Variants in TMEM267 observed in about 807,000 individuals in gnomAD.
The protein encoded by TMEM267 is transmembrane protein C5orf28.
Under a neutral mutation model 19.3 loss-of-function variants are expected in TMEM267, and 20 were observed. The ratio of observed to expected loss-of-function variants is 1.04; its 90% CI spans 0.73 to 1.51. The LOEUF is 1.51. Among genes scored for constraint, TMEM267 ranks in the 40% most tolerant of loss-of-function variants. TMEM267 has a pLI of 0.00. For missense variants in TMEM267, 242 were observed against 261.9 expected (o/e 0.92, Z 0.52); for synonymous variants, 88 against 90.3 (o/e 0.97, Z 0.15).
intron 1 of TMEM267, among the ~76,000 whole-genome samples, chr5:43,474,628 G>A (rs1046234768): frequency 7.9e-5 from 12 of 152,146 alleles, no homozygotes; most frequent in African/African-American, 2.9e-4. Context: ...GCGTGGTGGT[G>A]CATGCTTGTA....
chr5:43,482,290 G>A (rs1744833730), intron 1 of TMEM267, among the ~76,000 whole-genome samples: 1 of 151,152 alleles, frequency 6.6e-6, no homozygotes, highest in African/African-American at 2.4e-5. Flanking sequence ...TCCAACTTTT[G>A]GTGCAGATAT....
intron 1 of TMEM267, among the ~76,000 whole-genome samples, chr5:43,477,484 CT>C: frequency 6.6e-6 from 1 of 150,682 alleles, no homozygotes; most frequent in Non-Finnish European, 1.5e-5. Context: ...ATCCCAGCTA[CT>C]TGGGAAGCTG....
At chr5:43,465,427 T>G (rs938561690) in intron 1 of TMEM267, among the ~76,000 whole-genome samples, 3 of 152,144 alleles carry the variant, frequency 2.0e-5, no homozygotes, top group African/African-American at 7.2e-5. Context: ...GATCTAGAAC[T>G]AGAAATACCA....
intron 1 of TMEM267, among the ~76,000 whole-genome samples, chr5:43,466,500 T>A (rs1309573060): frequency 6.6e-6 from 1 of 152,018 alleles, no homozygotes; most frequent in African/African-American, 2.4e-5. Flanking sequence ...TAAGAAAAGC[T>A]AAAGGGAGAA....
At chr5:43,484,343 G>A (rs1327666582), upstream of TMEM267, 2 of 152,234 alleles carry the variant, frequency 1.3e-5, no homozygotes, top group South Asian at 2.1e-4. Context: ...AGCCCTCAGG[G>A]TGGGCAACGG....
At chr5:43,484,368 C>T (rs1744997641), upstream of TMEM267, 1 of 152,274 alleles carries the variant, frequency 6.6e-6, no homozygotes, top group Non-Finnish European at 1.5e-5. Context: ...TTTCACCAGA[C>T]TGAGGGACCG....
chr5:43,465,450 AT>A (rs1743597075), intron 1 of TMEM267, among the ~76,000 whole-genome samples: 1 of 152,250 alleles, frequency 6.6e-6, no homozygotes, highest in South Asian at 2.1e-4. Flanking sequence ...TGACCCAGCC[AT>A]CCCATTACTG....
Position 43,463,060 on chromosome 5 carries a change from A to C in TMEM267, c.-74-9017T>G, listed in dbSNP as rs539733817. On this transcript the variant is annotated intron_variant, in intron 1 of 2. Transcript: ENST00000397080. ...CCGCTAGCAAGACTAATAAAGAAGA[A>C]AAGAGAGAAGAATCAAATAGATGCA... Among the ~76,000 whole-genome samples the C allele has an allele frequency of 8.0e-3, 1,211 of 150,938 alleles. 20 individuals are homozygous for C. Among genetic ancestry groups the C allele is most frequent in the African/African-American group, 0.029 (1,172 of 40,328 alleles).
chr5:43,474,314 G>A (rs1429536803), intron 1 of TMEM267, among the ~76,000 whole-genome samples: 1 of 152,174 alleles, frequency 6.6e-6, no homozygotes, highest in East Asian at 1.9e-4. Context: ...TCATCAGAGC[G>A]AACAGGCCAC....
At chr5:43,477,509 G>A (rs1056867118) in intron 1 of TMEM267, among the ~76,000 whole-genome samples, 3 of 150,072 alleles carry the variant, frequency 2.0e-5, no homozygotes, top group South Asian at 4.2e-4. Context: ...CAGAAGAATC[G>A]CTTGAACCCA....
chr5:43,478,872 G>C (rs986338105), intron 1 of TMEM267, among the ~76,000 whole-genome samples: 7 of 152,172 alleles, frequency 4.6e-5, no homozygotes, highest in African/African-American at 1.4e-4. Flanking sequence ...AGTAGGAGTA[G>C]GGAAATAATG....
chr5:43,484,014 C>T (rs1744979715), upstream of TMEM267: 1 of 152,138 alleles, frequency 6.6e-6, no homozygotes, highest in African/African-American at 2.4e-5. Context: ...GGGTAGATAC[C>T]TCGAGTTTCT....
chr5:43,476,417 C>G (rs1744422662), intron 1 of TMEM267, among the ~76,000 whole-genome samples: 1 of 151,810 alleles, frequency 6.6e-6, no homozygotes, highest in African/African-American at 2.4e-5. Context: ...AGTCTGCAGA[C>G]CGCTCTGCCA....
At chr5:43,450,139 C>T (rs1409919432) in intron 2 of TMEM267, among the ~76,000 whole-genome samples, 1 of 151,904 alleles carries the variant, frequency 6.6e-6, no homozygotes, top group African/African-American at 2.4e-5. Context: ...GAACTATAGG[C>T]ATACACCACC....
intron 1 of TMEM267, among the ~76,000 whole-genome samples, chr5:43,468,326 C>A (rs902275006): frequency 3.9e-5 from 6 of 152,050 alleles, no homozygotes; most frequent in African/African-American, 1.4e-4. Context: ...AGTATCTTAT[C>A]GGTTAATTGC....
chr5:43,458,077 C>A (rs936106810), intron 1 of TMEM267, among the ~76,000 whole-genome samples: 6 of 151,680 alleles, frequency 4.0e-5, no homozygotes, highest in Non-Finnish European at 8.8e-5. Flanking sequence ...GTTTCCATTT[C>A]TATTTATTTA....
chr5:43,449,822 G>T (rs924228771), intron 2 of TMEM267, among the ~76,000 whole-genome samples: 19 of 152,170 alleles, frequency 1.2e-4, no homozygotes, highest in African/African-American at 3.1e-4. Context: ...ATCACTACTT[G>T]CAAGAAAGCA....
At chr5:43,472,805 G>A (rs971854458) in intron 1 of TMEM267, among the ~76,000 whole-genome samples, 45 of 151,236 alleles carry the variant, frequency 3.0e-4, no homozygotes, top group African/African-American at 9.7e-5. Context: ...GAAGGGTGGT[G>A]GGGGGTCAGC....
chr5:43,465,353 A>G (rs564930224), intron 1 of TMEM267, among the ~76,000 whole-genome samples: 2 of 152,234 alleles, frequency 1.3e-5, no homozygotes, highest in African/African-American at 2.4e-5. Context: ...GGACACTTTT[A>G]CACTGTTGGT....
Sources: gnomAD v4.1 joint callset for allele counts (sites outside exome capture counted in the v4.1 genomes callset) on GRCh38, gnomAD v4.1.1 for gene constraint, MANE v1.5 for transcripts, NCBI Gene and HGNC (gene_info 2026-07-23, HGNC 2026-07-21) for gene names.